Variants in CPNE3 observed in about 807,000 individuals in gnomAD.
CPNE3 encodes copine 3.
A neutral mutation model predicts 63.9 loss-of-function variants in CPNE3; 68 were observed. The observed-to-expected ratio is 1.06, with a 90% CI of 0.87 to 1.30. The LOEUF (loss-of-function observed/expected upper bound fraction) is 1.30. Among genes scored for constraint, CPNE3 ranks in the 50% most tolerant of loss-of-function variants. The pLI is 0.00. For missense variants in CPNE3, 665 were observed against 578.1 expected, an observed-to-expected ratio of 1.15 and a Z score of -1.54; for synonymous variants, 219 against 197.5, an observed-to-expected ratio of 1.11 and a Z score of -0.91.
At chr8:86,536,138 T>C (rs865844974) in intron 6 of CPNE3, among the ~76,000 whole-genome samples, 1 of 151,904 alleles carries the variant, frequency 6.6e-6, no homozygotes, top group Non-Finnish European at 1.5e-5. Flanking sequence ...ATAATAATTT[T>C]TAAAAAGTTG....
At position 86,559,392 on chromosome 8, in the gene CPNE3, T is replaced by C. The variant is rs961022799; in HGVS notation, c.*982T>C. 1 of 152,206 alleles carries C rather than the reference T, an allele frequency of 6.6e-6. No homozygotes were observed. The highest frequency in any genetic ancestry group is 2.4e-5 in the African/African-American group (1 of 41,458). 9.4% of individuals were successfully genotyped at this position (152,206 alleles called of 1,614,324 possible). A position where few individuals can be genotyped will look rare whatever the true frequency, so the allele number is the denominator to read the frequency against. Reference sequence around the variant, plus strand: ...TTATACTTTCCTTGCTAAGGTCCCATATATTGATTTGTACAGATCCACTTA... The same window carrying C: ...TTATACTTTCCTTGCTAAGGTCCCACATATTGATTTGTACAGATCCACTTA... On this transcript the variant is annotated 3_prime_UTR_variant, in exon 17 of 17. Coordinates refer to ENST00000517490, the MANE Select transcript of CPNE3 (RefSeq NM_003909.5).
intron 2 of CPNE3, among the ~76,000 whole-genome samples, chr8:86,522,547 G>GTTTTTTTTT (rs1563684952): frequency 1.4e-5 from 1 of 69,912 alleles, no homozygotes; most frequent in Non-Finnish European, 3.2e-5. Flanking sequence ...GACGCCCGCT[G>GTTTTTTTTT]CTTTTTTTTT....
intron 6 of CPNE3, among the ~76,000 whole-genome samples, chr8:86,533,590 CTT>C (rs557344356): frequency 2.1e-5 from 3 of 144,992 alleles, no homozygotes; most frequent in Non-Finnish European, 4.6e-5. Flanking sequence ...AGGCTGGGGA[CTT>C]TTTTTTTTTA....
intron 2 of CPNE3, among the ~76,000 whole-genome samples, chr8:86,525,387 A>G (rs886561763): frequency 6.6e-6 from 1 of 152,224 alleles, no homozygotes; most frequent in Non-Finnish European, 1.5e-5. Flanking sequence ...CAGTATCTTC[A>G]TGAATATTAC....
chr8:86,533,733 C>T (rs1447285851), intron 6 of CPNE3, among the ~76,000 whole-genome samples: 1 of 152,120 alleles, frequency 6.6e-6, no homozygotes, highest in Admixed American at 6.6e-5. Context: ...TCTACTTTCT[C>T]TCCTCCCAGA....
In CPNE3 at chr8:86,556,265, G is replaced by A. The variant is rs141960352; in HGVS notation, c.1418G>A (p.Ser473Asn). 2.3e-6 allele frequency: 2 copies of A among 873,050 alleles called. No individual in the cohort carries two copies. The highest frequency in any genetic ancestry group is 4.8e-5 in the East Asian group (2 of 41,708). 54.1% of individuals were successfully genotyped at this position (873,050 alleles called of 1,614,324 possible). The change falls in exon 16 of 17, where the codon AGT becomes AAT. Residue 473 changes from serine (S) to asparagine (N), a missense_variant. By Grantham distance (46) the Ser-to-Asn change is conservative. Coordinates refer to ENST00000517490, the MANE Select transcript of CPNE3 (RefSeq NM_003909.5). ...AMEFLDGDGG[S>N]LRSPLGEVAI... Reference sequence around the variant, plus strand: ...GAGTTTCTGGATGGTGATGGTGGAAGTCTCCGCTCCCCATTGGGCGAAGTG... The same window carrying A: ...GAGTTTCTGGATGGTGATGGTGGAAATCTCCGCTCCCCATTGGGCGAAGTG...
At chr8:86,547,110 C>T (rs1821070386) in intron 10 of CPNE3, among the ~76,000 whole-genome samples, 2 of 152,284 alleles carry the variant, frequency 1.3e-5, no homozygotes, top group South Asian at 4.1e-4. Context: ...TTGAAAATCA[C>T]ATGAGCATCT....
At chr8:86,523,819 C>G (rs763698992) in intron 2 of CPNE3, among the ~76,000 whole-genome samples, 2 of 152,152 alleles carry the variant, frequency 1.3e-5, no homozygotes, top group Non-Finnish European at 2.9e-5. Context: ...AACTCCTGAC[C>G]TCAAGTGATC....
At chr8:86,523,398 A>G (rs1303532141) in intron 2 of CPNE3, among the ~76,000 whole-genome samples, 1 of 152,190 alleles carries the variant, frequency 6.6e-6, no homozygotes, top group Admixed American at 6.5e-5. Flanking sequence ...GCCAGATGTC[A>G]TGCTTCAGGA....
At chr8:86,516,324 G>A (rs1394783689) in intron 2 of CPNE3, among the ~76,000 whole-genome samples, 1 of 152,188 alleles carries the variant, frequency 6.6e-6, no homozygotes, top group African/African-American at 2.4e-5. Flanking sequence ...ATTAAGGGTT[G>A]CATAATGACT....
At chr8:86,548,198 G>C in intron 11 of CPNE3, 103 bp from the exon 12 acceptor site, 1 of 1,216,848 alleles carries the variant, frequency 8.2e-7, no homozygotes, top group South Asian at 1.5e-5. Context: ...GGAAGTAGGC[G>C]CCAGGATGCA....
At chr8:86,553,906 G>A (rs554682462) in intron 14 of CPNE3, 3 of 152,310 alleles carry the variant, frequency 2.0e-5, no homozygotes, top group African/African-American at 7.2e-5. Flanking sequence ...TTCATCAGCA[G>A]TGCTTTGACC....
intron 14 of CPNE3, among the ~76,000 whole-genome samples, chr8:86,552,962 G>A (rs1252237295): frequency 8.5e-4 from 3 of 3,510 alleles, no homozygotes; most frequent in African/African-American, 1.0e-3. Flanking sequence ...GCCACAGCCC[G>A]CCCCCCCCCC....
intron 7 of CPNE3, among the ~76,000 whole-genome samples, chr8:86,539,630 C>G (rs1820882717): frequency 6.7e-6 from 1 of 148,768 alleles, no homozygotes; most frequent in African/African-American, 2.5e-5. Flanking sequence ...ATGAAACCCT[C>G]ATTGCTATTA....
chr8:86,551,274 G>C (rs756517874), intron 14 of CPNE3, 40 bp downstream of exon 14: 4 of 1,302,118 alleles, frequency 3.1e-6, no homozygotes, highest in East Asian at 4.6e-5. Context: ...AAATGGAAAG[G>C]CTCACTAGTC....
In CPNE3 at chr8:86,552,564, G is replaced by C. The variant is rs150838125; in HGVS notation, c.1120+1330G>C. Reference sequence around the variant, plus strand: ...TGTGAGTAATGTAAGCCCATCCTTGGGCTGTTCACCAAGTGGTTTACACTC... The same window carrying C: ...TGTGAGTAATGTAAGCCCATCCTTGCGCTGTTCACCAAGTGGTTTACACTC... On this transcript the variant is annotated intron_variant, in intron 14 of 16. Coordinates refer to ENST00000517490, the MANE Select transcript of CPNE3 (RefSeq NM_003909.5). Among the ~76,000 whole-genome samples the C allele has an allele frequency of 5.6e-3, 854 of 151,946 alleles. 7 individuals carry two copies. Among genetic ancestry groups the C allele is most frequent in the African/African-American group, 0.019 (798 of 41,446 alleles).
At chr8:86,534,389 C>T (rs1190421059) in intron 6 of CPNE3, among the ~76,000 whole-genome samples, 1 of 152,122 alleles carries the variant, frequency 6.6e-6, no homozygotes, top group Non-Finnish European at 1.5e-5. Flanking sequence ...GGTGTGGTGG[C>T]TCATGCCTGT....
chr8:86,532,814 T>C (rs534164562), intron 6 of CPNE3, among the ~76,000 whole-genome samples: 1 of 152,304 alleles, frequency 6.6e-6, no homozygotes, highest in African/African-American at 2.4e-5. Context: ...AGGAGTTGAA[T>C]AGAAGCATTA....
At chr8:86,535,412 G>A (rs766719950) in intron 6 of CPNE3, among the ~76,000 whole-genome samples, 4 of 151,316 alleles carry the variant, frequency 2.6e-5, no homozygotes, top group Non-Finnish European at 5.9e-5. Flanking sequence ...GATGGCTCAC[G>A]CCTGTAATCC....
Sources: gnomAD v4.1 joint callset for allele counts (sites outside exome capture counted in the v4.1 genomes callset) on GRCh38, gnomAD v4.1.1 for gene constraint, MANE v1.5 for transcripts, NCBI Gene and HGNC (gene_info 2026-07-23, HGNC 2026-07-21) for gene names.